The following PREPL variants were observed in gnomAD, a reference collection of about 807,000 sequenced individuals.
The protein encoded by PREPL is prolyl endopeptidase-like.
In PREPL, 77 loss-of-function variants were observed where a neutral mutation model predicts 70.6. The observed-to-expected ratio is 1.09, with a 90% confidence interval of 0.91 to 1.32. The LOEUF is 1.32. Among genes scored for constraint, PREPL ranks in the 40% most tolerant of loss-of-function variants. The pLI is 0.00. For missense variants in PREPL, 1,002 were observed against 778.2 expected, an observed-to-expected ratio of 1.29 and a Z score of -3.42; for synonymous variants, 315 against 264.8, an observed-to-expected ratio of 1.19 and a Z score of -1.84.
upstream of PREPL, chr2:44,361,839 C>A: frequency 7.8e-7 from 1 of 1,276,308 alleles, no homozygotes; most frequent in South Asian, 2.1e-5. Context: ...CCCTGGTTGC[C>A]AAGGAGATGC....
At chr2:44,329,802 A>G (rs116221342) in intron 8 of PREPL, among the ~76,000 whole-genome samples, 121 of 152,364 alleles carry the variant, frequency 7.9e-4, no homozygotes, top group African/African-American at 2.8e-3. Context: ...CAAACTCATC[A>G]GTTCCAGTTG....
At chr2:44,359,753 G>T in intron 1 of PREPL, 1 of 1,387,174 alleles carries the variant, frequency 7.2e-7, no homozygotes, top group Non-Finnish European at 1.0e-6. Context: ...TTTTGGGGCT[G>T]CCAGCACACG....
rs1000021104 is a variant in PREPL, at chr2:44,351,623, G to T, written c.-48-5233C>A. On this transcript the variant is annotated intron_variant, in intron 1 of 13. Transcript: ENST00000409411. ...GCTTAAAAACATTACAGTTGGATTTGTCTTTTTCTCTTGCCACAAACAACT... is the reference window on the plus strand; with the variant it reads ...GCTTAAAAACATTACAGTTGGATTTTTCTTTTTCTCTTGCCACAAACAACT... Among the ~76,000 whole-genome samples, 4 of 151,732 alleles carry T rather than the reference G, an allele frequency of 2.6e-5. 1 individual carries two copies. The highest frequency in any genetic ancestry group is 9.7e-5 in the African/African-American group (4 of 41,288).
In PREPL at chr2:44,344,278, T is replaced by C. The variant is rs6760148; in HGVS notation, c.142+242A>G. On this transcript the variant is annotated intron_variant, in intron 3 of 13. Transcript: ENST00000409411. ...AACAATATATGCCAAGTGCCTAGCA[T>C]AGTACCCAAGACACAGCAGATGCTC... 4.6e-3 allele frequency among the ~76,000 whole-genome samples: 705 copies of C among 152,250 alleles called. 9 individuals are homozygous for C. Among genetic ancestry groups the C allele is most frequent in the African/African-American group, 0.016 (665 of 41,530 alleles).
In PREPL at chr2:44,361,425, G is replaced by C. The variant is rs957868206; in HGVS notation, c.-94C>G. ...CGGCTCTGGACACAAACCAGTGAAG[G>C]CAGGCCGGAGAACCTGAAGCTCTCA... is the stretch of plus-strand genomic sequence containing the variant. On this transcript the variant is annotated 5_prime_UTR_variant, in exon 1 of 14. Transcript: ENST00000409411. The C allele has an allele frequency of 9.8e-5, 15 of 152,426 alleles. No homozygotes were observed. Among genetic ancestry groups the C allele is most frequent in the African/African-American group, 3.6e-4 (15 of 41,454 alleles). 9.4% of individuals were successfully genotyped at this position (152,426 alleles called of 1,614,324 possible).
At chr2:44,344,672 G>A (rs557162828) in intron 2 of PREPL, 86 bp from the exon 3 acceptor site, 2 of 1,018,024 alleles carry the variant, frequency 2.0e-6, no homozygotes, top group Non-Finnish European at 2.9e-6. Flanking sequence ...ATGAAATGAA[G>A]ACTCTTATAA....
rs1218178265 is a variant in PREPL, at chr2:44,344,536, A to G, written c.126T>C (p.Arg42=). The change falls in exon 3 of 14, where the codon CGT becomes CGC. Residue 42 remains arginine, a synonymous_variant. Coordinates refer to ENST00000409411, the MANE Select transcript of PREPL (RefSeq NM_001171613.2). ...VYYQEGCCLV[R]SKDEEADNDN... Reference sequence around the variant, plus strand: ...GTGGTGTACCTTCTTCATCTTTGGAACGAACCAAGCAACAACCTTCTTGGT... The same window carrying G: ...GTGGTGTACCTTCTTCATCTTTGGAGCGAACCAAGCAACAACCTTCTTGGT... 1 of 1,600,532 alleles carries G rather than the reference A, an allele frequency of 6.2e-7. No homozygotes were observed. The highest frequency in any genetic ancestry group is 1.7e-5 in the Admixed American group (1 of 58,650).
At chr2:44,335,549 T>C (rs1323477595) in intron 7 of PREPL, among the ~76,000 whole-genome samples, 2 of 152,004 alleles carry the variant, frequency 1.3e-5, no homozygotes, top group African/African-American at 4.8e-5. Flanking sequence ...TATATACAAA[T>C]CAACTCAAGA....
In PREPL at chr2:44,319,007, G is replaced by GT. The variant is rs1672688552; in HGVS notation, c.*2348_*2349insA. 6.6e-6 allele frequency: 1 copy of GT among 152,110 alleles called. No homozygotes were observed. The highest frequency in any genetic ancestry group is 1.5e-5 in the Non-Finnish European group (1 of 68,032). The allele number at this position is 152,110 out of a possible 1,614,324, so 9.4% of individuals were successfully genotyped here. On this transcript the variant is annotated 3_prime_UTR_variant, in exon 14 of 14. Transcript: ENST00000409411. ...TAGACAATAATAGCTAACACTTACC[G>GT]GGCACTTCTTATGTGAGTGGCACTG...
At chr2:44,337,242 T>A (rs10495916) in intron 7 of PREPL, among the ~76,000 whole-genome samples, 2,503 of 152,284 alleles carry the variant, frequency 0.016, 35 homozygotes, top group Middle Eastern at 0.085. Context: ...CAAAATCCTA[T>A]CTCTCTTCTC....
chr2:44,321,386 G>C lies in PREPL; in HGVS notation c.1887C>G (p.Phe629Leu). 6.2e-7 allele frequency: 1 copy of C among 1,612,042 alleles called. No individual in the cohort carries two copies. Among genetic ancestry groups the C allele is most frequent in the Non-Finnish European group, 8.5e-7 (1 of 1,178,530 alleles). Residue 629 changes from phenylalanine to leucine, a missense_variant, in exon 14 of 14, where the codon TTC becomes TTG. Transcript: ENST00000409411. ...EELGLDSTSV[F>L]EDLKKYLKF Reference sequence around the variant, plus strand: ...ATTTCAGGTATTTCTTAAGATCCTCGAAAACACTGGTGCTGTCAAGTCCAA... The same window carrying C: ...ATTTCAGGTATTTCTTAAGATCCTCCAAAACACTGGTGCTGTCAAGTCCAA...
rs377448239 is a variant in PREPL at position 44,320,572 on chromosome 2, A to G, written c.*784T>C. On this transcript the variant is annotated 3_prime_UTR_variant, in exon 14 of 14. Coordinates refer to ENST00000409411, the MANE Select transcript of PREPL (RefSeq NM_001171613.2). ...CTTCATCGCCAAACAGCTTTCAGAGATAGATGCTTTGTTTCCAATCGAGCA... is the reference window on the plus strand; with the variant it reads ...CTTCATCGCCAAACAGCTTTCAGAGGTAGATGCTTTGTTTCCAATCGAGCA... The G allele has an allele frequency of 6.2e-6, 10 of 1,613,968 alleles. No individual in the cohort carries two copies. The highest frequency in any genetic ancestry group is 7.6e-6 in the Non-Finnish European group (9 of 1,179,960).
intron 1 of PREPL, among the ~76,000 whole-genome samples, chr2:44,355,647 A>G (rs1193589517): frequency 1.3e-5 from 2 of 152,064 alleles, no homozygotes; most frequent in East Asian, 3.9e-4. Context: ...TGTCAGAGTG[A>G]TTCTTCTAAA....
intron 8 of PREPL, among the ~76,000 whole-genome samples, chr2:44,330,701 T>C (rs540690424): frequency 2.0e-5 from 3 of 152,224 alleles, no homozygotes; most frequent in South Asian, 2.1e-4. Context: ...TTGTAATTCA[T>C]TGTGTCAGCA....
rs576387490 is a variant in PREPL, at chr2:44,354,856, C to T, written c.-49+6524G>A. On this transcript the variant is annotated intron_variant, in intron 1 of 13. Coordinates refer to ENST00000409411, the MANE Select transcript of PREPL (RefSeq NM_001171613.2). ...CCTCCCAAAGTGCTAGGATTATAGG[C>T]GTGAGGCGCCACGCCCGGCCTTCTT... 9.8e-5 allele frequency among the ~76,000 whole-genome samples: 15 copies of T among 152,302 alleles called. No homozygotes were observed. The South Asian group carries it at 2.5e-3, about 25-fold the overall frequency.
In PREPL at chr2:44,326,802, T is replaced by C; in HGVS notation, c.1389A>G (p.Leu463=). 7 of 1,614,208 alleles carry C rather than the reference T, an allele frequency of 4.3e-6. No individual in the cohort carries two copies. Among genetic ancestry groups the C allele is most frequent in the Non-Finnish European group, 5.1e-6 (6 of 1,180,034 alleles). ...CAGCACTGAAAGCAGTCAGGGTTGT[T>C]AGACTTGGCTGAGAAAAGCCTTGGC... ...LHGQGFSQPS[L]TTLTAFSAGG... is the part of the protein sequence containing the mutation. Residue 463 remains leucine (L), a synonymous_variant, in exon 10 of 14, where the codon CTA becomes CTG. Coordinates refer to ENST00000409411, the MANE Select transcript of PREPL (RefSeq NM_001171613.2).
chr2:44,339,561 C>G (rs1036805299), intron 5 of PREPL, among the ~76,000 whole-genome samples, 198 bp from the exon 6 acceptor site: 1 of 152,136 alleles, frequency 6.6e-6, no homozygotes, highest in Non-Finnish European at 1.5e-5. Flanking sequence ...AAAGGGCATT[C>G]AAAATAATTT....
At chr2:44,358,761 C>T (rs1321830498) in intron 1 of PREPL, among the ~76,000 whole-genome samples, 1 of 152,146 alleles carries the variant, frequency 6.6e-6, no homozygotes, top group African/African-American at 2.4e-5. Context: ...AAGTACAATA[C>T]TCTGACAGTG....
In PREPL at chr2:44,321,533, C is replaced by T. The variant is rs1315549404; in HGVS notation, c.1828-88G>A. ...GCTTCTCTTTATCTATCCATCTTTA[C>T]CTAACCGTGAAGTCAGCAATTTATG... is the stretch of plus-strand genomic sequence containing the variant. On this transcript the variant is annotated intron_variant, in intron 13 of 13. Coordinates refer to ENST00000409411, the MANE Select transcript of PREPL (RefSeq NM_001171613.2). 5.2e-6 allele frequency: 8 copies of T among 1,539,948 alleles called. No individual in the cohort carries two copies. The East Asian group carries it at 1.9e-4, about 36-fold the overall frequency.
Sources: gnomAD v4.1 joint callset for allele counts (sites outside exome capture counted in the v4.1 genomes callset) on GRCh38, gnomAD v4.1.1 for gene constraint, MANE v1.5 for transcripts, NCBI Gene and HGNC (gene_info 2026-07-23, HGNC 2026-07-21) for gene names.